Variants in ZMYND8 observed in about 807,000 individuals in gnomAD.
ZMYND8 encodes the protein zinc finger MYND-type containing 8.
In ZMYND8, 37 loss-of-function variants were observed where a neutral mutation model predicts 140.8. The ratio of observed to expected loss-of-function variants is 0.26; its 90% CI spans 0.20 to 0.35. The LOEUF (loss-of-function observed/expected upper bound fraction) is 0.35, where lower values mean the gene tolerates loss of function less well. ZMYND8 is among the 10% of genes least tolerant of loss of function. The pLI is 1.00. For missense variants in ZMYND8, 1,068 were observed against 1,570.0 expected (o/e 0.68, Z 5.40); for synonymous variants, 592 against 597.1 (o/e 0.99, Z 0.12).
chr20:47,259,522 C>T (rs1023191227), intron 12 of ZMYND8, among the ~76,000 whole-genome samples: 12 of 152,118 alleles, frequency 7.9e-5, no homozygotes, highest in African/African-American at 2.9e-4. Context: ...CTGGAGGGCG[C>T]CAACCACCAA....
intron 1 of ZMYND8, chr20:47,353,419 C>T (rs1474150335): frequency 6.6e-6 from 1 of 152,202 alleles, no homozygotes; most frequent in Non-Finnish European, 1.5e-5. Context: ...GACTTGGCGC[C>T]AACGGGCTAA....
intron 14 of ZMYND8, among the ~76,000 whole-genome samples, chr20:47,240,161 G>A (rs963369234): frequency 2.6e-5 from 4 of 152,128 alleles, no homozygotes; most frequent in African/African-American, 9.7e-5. Context: ...GCAGTGAGCC[G>A]AGATCGCGCC....
chr20:47,280,558 CAG>C (rs2076544066), intron 10 of ZMYND8, among the ~76,000 whole-genome samples: 2 of 152,152 alleles, frequency 1.3e-5, no homozygotes, highest in Non-Finnish European at 2.9e-5. Flanking sequence ...TGAGAGACTA[CAG>C]CCATCAACCA....
At chr20:47,329,759 A>G (rs1458764992) in intron 2 of ZMYND8, among the ~76,000 whole-genome samples, 1 of 152,202 alleles carries the variant, frequency 6.6e-6, no homozygotes, top group African/African-American at 2.4e-5. Context: ...GTTGGACAGC[A>G]CAGCTGCAGA....
chr20:47,221,316 A>G lies in ZMYND8; in HGVS notation c.3415T>C (p.Ser1139Pro). 2 of 1,613,972 alleles carry G rather than the reference A, an allele frequency of 1.2e-6. No individual in the cohort carries two copies. The highest frequency in any genetic ancestry group is 1.7e-6 in the Non-Finnish European group (2 of 1,180,022). Residue 1139 changes from serine to proline, a missense_variant and splice_region_variant, in exon 20 of 23, where the codon TCG (serine) becomes CCG (proline). This residue lies in a region of ZMYND8 where 180 missense variants were observed against 187.8 expected (regional missense o/e 0.96). Coordinates refer to ENST00000471951, the MANE Select transcript of ZMYND8 (RefSeq NM_001281775.3). ...TSAEKSKESG[S>P]TLDLSGSRET... is the part of the protein sequence containing the mutation. The stretch of plus-strand genomic sequence containing the variant: ...CAAAGGCATGGGGGGATCCTCACCG[A>G]GCCACTCTCCTTGCTTTTCTCAGCT...
chr20:47,210,741 G>A lies in ZMYND8; in HGVS notation c.*20C>T, dbSNP rs1456211252. 1.9e-6 allele frequency: 3 copies of A among 1,613,982 alleles called. No homozygotes were observed. Among genetic ancestry groups the A allele is most frequent in the Non-Finnish European group, 2.5e-6 (3 of 1,179,996 alleles). On this transcript the variant is annotated 3_prime_UTR_variant, in exon 23 of 23. Transcript: ENST00000471951. ...GGTTTTTCTCCCAATGGGGTGGGTG[G>A]TTTGTGTCCCGATTCACTGCTAGTC...
intron 14 of ZMYND8, among the ~76,000 whole-genome samples, chr20:47,240,387 G>A (rs1401222102): frequency 1.3e-5 from 2 of 151,496 alleles, no homozygotes; most frequent in African/African-American, 4.8e-5. Context: ...GGTGGCAGGC[G>A]CCTGTAGTCC....
chr20:47,236,616 C>A (rs1382018296), intron 15 of ZMYND8, 100 bp from the exon 16 acceptor site: 1 of 1,229,354 alleles, frequency 8.1e-7, no homozygotes, highest in Non-Finnish European at 1.1e-6. Context: ...ATCCTGAGAG[C>A]TTTTCTACTT....
intron 11 of ZMYND8, among the ~76,000 whole-genome samples, chr20:47,263,152 A>C (rs533452244): frequency 9.2e-5 from 14 of 152,188 alleles, no homozygotes; most frequent in Non-Finnish European, 1.6e-4. Flanking sequence ...GCAAGCATTC[A>C]TAGGGGCCAA....
chr20:47,266,708 C>T (rs2147639956), intron 11 of ZMYND8, among the ~76,000 whole-genome samples: 1 of 152,312 alleles, frequency 6.6e-6, no homozygotes, highest in African/African-American at 2.4e-5. Context: ...TACTATCACC[C>T]TAGTCCATGC....
intron 11 of ZMYND8, among the ~76,000 whole-genome samples, chr20:47,275,532 A>G (rs1270581516): frequency 6.6e-6 from 1 of 151,536 alleles, no homozygotes; most frequent in Non-Finnish European, 1.5e-5. Flanking sequence ...ATTAAAGGAT[A>G]TGACCTTTAA....
chr20:47,349,997 C>T (rs896726680), intron 1 of ZMYND8: 16 of 1,495,538 alleles, frequency 1.1e-5, no homozygotes, highest in African/African-American at 1.4e-5. Context: ...TGCTGAGAGA[C>T]GAGGAAAATG....
chr20:47,321,935 A>G (rs964831428), intron 2 of ZMYND8, among the ~76,000 whole-genome samples: 1 of 139,964 alleles, frequency 7.1e-6, no homozygotes, highest in African/African-American at 2.8e-5. Context: ...ATCTGGGCTC[A>G]TTGCAACCTC....
chr20:47,313,187 GT>G (rs1402219207), intron 2 of ZMYND8, among the ~76,000 whole-genome samples: 4 of 149,454 alleles, frequency 2.7e-5, no homozygotes, highest in Admixed American at 2.7e-4. Context: ...CTATGATCAC[GT>G]CGGAGCCTGG....
chr20:47,271,872 G>A (rs1260402450), intron 11 of ZMYND8, among the ~76,000 whole-genome samples: 2 of 151,948 alleles, frequency 1.3e-5, no homozygotes, highest in Non-Finnish European at 1.5e-5. Context: ...TAGTAGAGAC[G>A]GGGTTTCGCC....
chr20:47,331,083 G>A (rs1020925434), intron 2 of ZMYND8, among the ~76,000 whole-genome samples: 2 of 150,856 alleles, frequency 1.3e-5, no homozygotes, highest in Admixed American at 6.6e-5. Context: ...AACACAGAGA[G>A]AACGGAACAC....
chr20:47,257,530 A>C (rs1464648162), intron 12 of ZMYND8, among the ~76,000 whole-genome samples: 1 of 151,956 alleles, frequency 6.6e-6, no homozygotes, highest in Non-Finnish European at 1.5e-5. Flanking sequence ...ATATACTCAC[A>C]TATACCCAAT....
chr20:47,257,020 A>G (rs751119081), intron 12 of ZMYND8, among the ~76,000 whole-genome samples: 9 of 152,200 alleles, frequency 5.9e-5, no homozygotes, highest in Non-Finnish European at 7.3e-5. Flanking sequence ...GGAAGAAGAA[A>G]AGGACCGGGC....
chr20:47,220,313 A>C lies in ZMYND8; in HGVS notation c.3429T>G (p.Leu1143=), dbSNP rs1431797233. The C allele has an allele frequency of 1.9e-6, 3 of 1,560,606 alleles. No homozygotes were observed. Among genetic ancestry groups the C allele is most frequent in the Non-Finnish European group, 2.6e-6 (3 of 1,151,510 alleles). ...KSKESGSTLD[L]SGSRETPSSI... is the part of the protein sequence containing the mutation. ...AGGAGGGCGTCTCTCTGGAGCCAGA[A>C]AGGTCAAGGGTCTAGAAATACAAAA... Residue 1143 remains leucine, a synonymous_variant, in exon 21 of 23, where the codon CTT becomes CTG. Transcript: ENST00000471951.
Sources: allele counts gnomAD v4.1 joint callset (sites outside exome capture counted in the v4.1 genomes callset), GRCh38; gene constraint gnomAD v4.1.1; regional missense constraint gnomAD v4.1.1; transcripts MANE v1.5; gene names NCBI Gene and HGNC (gene_info 2026-07-23, HGNC 2026-07-21).